The following FREM1 variants were observed in gnomAD, a reference collection of about 807,000 sequenced individuals.
FREM1 encodes FRAS1 related extracellular matrix 1.
In FREM1, 220 loss-of-function variants were observed where a neutral mutation model predicts 210.1. That is an observed-to-expected ratio of 1.05 (90% CI 0.94 to 1.17). FREM1 has a LOEUF of 1.17. Among genes scored for constraint, FREM1 ranks in the 50% most tolerant of loss-of-function variants. FREM1 has a pLI of 0.00. For missense variants in FREM1, 3,454 were observed against 2,675.5 expected, an observed-to-expected ratio of 1.29 and a Z score of -6.42; for synonymous variants, 1,189 against 980.2, an observed-to-expected ratio of 1.21 and a Z score of -3.98.
rs777118640 is a variant in FREM1 at position 14,797,558 on chromosome 9, A to G, written c.3779T>C (p.Ile1260Thr). Residue 1260 changes from isoleucine to threonine, a missense_variant, in exon 21 of 37, where the codon ATA (isoleucine) becomes ACA (threonine). Physicochemically the swap from Ile to Thr is moderately conservative, Grantham distance 89 (BLOSUM62 -1). Coordinates refer to ENST00000380880, the MANE Select transcript of FREM1 (RefSeq NM_001379081.2). ...GACCTCTACTGAAATGGTTTTAAGT[A>G]TCTTATGTTTCCCATCTGACAATTG... is the stretch of plus-strand genomic sequence containing the variant. ...TIQLSDGKHK[I>T]LKTISVEVIP... The G allele has an allele frequency of 6.2e-7, 1 of 1,613,286 alleles. No homozygotes were observed. The highest frequency in any genetic ancestry group is 1.1e-5 in the South Asian group (1 of 91,048).
chr9:14,827,398 G>C (rs1336386307), intron 10 of FREM1, among the ~76,000 whole-genome samples: 1 of 152,220 alleles, frequency 6.6e-6, no homozygotes, highest in Non-Finnish European at 1.5e-5. Flanking sequence ...GCAGGGATGA[G>C]GTAGGATGCG....
rs1720691137 is a variant in FREM1, at chr9:14,792,785, A to G, written c.3939T>C (p.Tyr1313=). The G allele has an allele frequency of 6.2e-7, 1 of 1,607,322 alleles. No individual in the cohort carries two copies. Among genetic ancestry groups the G allele is most frequent in the African/African-American group, 1.3e-5 (1 of 74,876 alleles). The change falls in exon 22 of 37, where the codon TAT becomes TAC. Residue 1313 remains tyrosine (Y), a synonymous_variant. Coordinates refer to ENST00000380880, the MANE Select transcript of FREM1 (RefSeq NM_001379081.2). The stretch of plus-strand genomic sequence containing the variant: ...CATTTTGGGGAAGCCTTTCAAATAC[A>G]TAGTAAATCTTCTCCCTGGGTGAGT... ...DEDSPREKIY[Y]VFERLPQNGQ...
chr9:14,875,209 T>A (rs1188821701), intron 1 of FREM1, among the ~76,000 whole-genome samples: 1 of 152,210 alleles, frequency 6.6e-6, no homozygotes, highest in Admixed American at 6.5e-5. Flanking sequence ...ATCTGAATGT[T>A]GGCCTGCCTT....
At chr9:14,752,046 A>G (rs1006010500) in intron 29 of FREM1, among the ~76,000 whole-genome samples, 4 of 150,902 alleles carry the variant, frequency 2.7e-5, no homozygotes, top group African/African-American at 9.8e-5. Flanking sequence ...ATGGATGGAT[A>G]AATCAATACA....
chr9:14,851,174 TC>T (rs1827669951), intron 6 of FREM1, 109 bp downstream of exon 6: 7 of 803,258 alleles, frequency 8.7e-6, no homozygotes, highest in Non-Finnish European at 1.2e-5. Flanking sequence ...AGTGATTGAT[TC>T]TTTTCTGAGG....
At chr9:14,861,136 T>TACATATATAC (rs1830310292) in intron 3 of FREM1, among the ~76,000 whole-genome samples, 1 of 138,486 alleles carries the variant, frequency 7.2e-6, no homozygotes, top group Non-Finnish European at 1.5e-5. Context: ...TACACATATA[T>TACATATATAC]ACATATATAC....
chr9:14,885,930 C>T (rs1046101176), intron 1 of FREM1, among the ~76,000 whole-genome samples: 1 of 152,148 alleles, frequency 6.6e-6, no homozygotes, highest in Non-Finnish European at 1.5e-5. Context: ...TCATGTTGTA[C>T]AATACATCTC....
At chr9:14,906,374 T>C (rs1001315090) in intron 1 of FREM1, among the ~76,000 whole-genome samples, 3 of 152,204 alleles carry the variant, frequency 2.0e-5, no homozygotes, top group Admixed American at 1.3e-4. Flanking sequence ...CAATCACTAA[T>C]GCTTATTGGG....
chr9:14,739,474 AT>A (rs1258747300), intron 36 of FREM1, among the ~76,000 whole-genome samples: 37 of 90,656 alleles, frequency 4.1e-4, no homozygotes, highest in African/African-American at 1.6e-3. Flanking sequence ...ATATATATAT[AT>A]AATTCATATA....
intron 1 of FREM1, among the ~76,000 whole-genome samples, chr9:14,904,530 G>A (rs538953506): frequency 6.6e-6 from 1 of 151,050 alleles, no homozygotes; most frequent in East Asian, 1.9e-4. Flanking sequence ...ATCTGCTTTC[G>A]CAGCACTTTA....
Position 14,746,476 on chromosome 9 carries a change from A to C in FREM1, c.6139-8T>G, listed in dbSNP as rs1175459081. The C allele has an allele frequency of 6.2e-7, 1 of 1,604,706 alleles. No homozygotes were observed. The highest frequency in any genetic ancestry group is 1.1e-5 in the South Asian group (1 of 90,848). On this transcript the variant is annotated splice_region_variant and splice_polypyrimidine_tract_variant and intron_variant, in intron 34 of 36. Transcript: ENST00000380880. The stretch of plus-strand genomic sequence containing the variant: ...GGATTTGTCTTCCACATCCTGAAAA[A>C]CAGTTGTCTGTGTTCATATCATAAT...
chr9:14,905,297 C>T (rs919925375), intron 1 of FREM1, among the ~76,000 whole-genome samples: 1 of 152,192 alleles, frequency 6.6e-6, no homozygotes, highest in Non-Finnish European at 1.5e-5. Flanking sequence ...CACTCCTCCA[C>T]ATGTTTGAAT....
At chr9:14,846,941 G>A (rs575651580) in intron 7 of FREM1, among the ~76,000 whole-genome samples, 166 of 152,228 alleles carry the variant, frequency 1.1e-3, no homozygotes, top group Non-Finnish European at 1.8e-3. Flanking sequence ...TGATGCAGCC[G>A]GCTACCTCCA....
intron 25 of FREM1, chr9:14,774,122 T>TA (rs1351401047): frequency 1.9e-6 from 1 of 518,988 alleles, no homozygotes; most frequent in Non-Finnish European, 3.8e-6. Context: ...TTTCTTTGCA[T>TA]TTTTTGGACC....
intron 1 of FREM1, among the ~76,000 whole-genome samples, chr9:14,906,006 A>C (rs1306112780): frequency 6.6e-6 from 1 of 152,184 alleles, no homozygotes; most frequent in Non-Finnish European, 1.5e-5. Context: ...GGGATCTGGA[A>C]TGTAACTTTA....
chr9:14,863,490 G>C (rs184904952), intron 3 of FREM1, among the ~76,000 whole-genome samples: 12 of 152,100 alleles, frequency 7.9e-5, no homozygotes, highest in Admixed American at 2.6e-4. Flanking sequence ...TTAAGAATTT[G>C]TAGTTTATAA....
intron 19 of FREM1, among the ~76,000 whole-genome samples, chr9:14,803,315 T>TTCCCCTCCAC (rs1817692989): frequency 1.0e-5 from 1 of 96,208 alleles, no homozygotes; most frequent in Non-Finnish European, 2.0e-5. Flanking sequence ...TCTTTTTCTT[T>TTCCCCTCCAC]TCCCCTCCCC....
intron 20 of FREM1, among the ~76,000 whole-genome samples, chr9:14,798,942 G>A (rs376379770): frequency 2.0e-5 from 3 of 151,978 alleles, no homozygotes; most frequent in African/African-American, 7.2e-5. Context: ...CCAAAGTGCT[G>A]GGATTACACG....
chr9:14,792,582 T>C (rs908493943), intron 22 of FREM1, among the ~76,000 whole-genome samples, 161 bp downstream of exon 22: 1 of 152,198 alleles, frequency 6.6e-6, no homozygotes, highest in Non-Finnish European at 1.5e-5. Flanking sequence ...ACAAAGACTT[T>C]AGAACAGCAT....
Sources: allele counts gnomAD v4.1 joint callset (sites outside exome capture counted in the v4.1 genomes callset), GRCh38; gene constraint gnomAD v4.1.1; transcripts MANE v1.5; gene names NCBI Gene and HGNC (gene_info 2026-07-23, HGNC 2026-07-21).